ROS1: variants seen among roughly 807,000 people sequenced by gnomAD.
The protein encoded by ROS1 is proto-oncogene tyrosine-protein kinase ROS.
A neutral mutation model predicts 273.5 loss-of-function variants in ROS1; 263 were observed. The observed-to-expected ratio is 0.96, with a 90% CI of 0.87 to 1.06. The LOEUF is 1.06. Ranked by LOEUF, ROS1 falls within the 50% of genes least tolerant of loss-of-function variation. ROS1 has a pLI of 0.00. For missense variants in ROS1, 2,833 were observed against 2,751.1 expected (o/e 1.03, Z -0.67); for synonymous variants, 1,008 against 954.1 (o/e 1.06, Z -1.04).
chr6:117,322,611 G>C (rs186145123), intron 35 of ROS1, among the ~76,000 whole-genome samples: 1 of 152,262 alleles, frequency 6.6e-6, no homozygotes, highest in Non-Finnish European at 1.5e-5. Context: ...TGACTGCTCA[G>C]AAGCAAAGGC....
At chr6:117,395,168 C>A (rs1455618430) in intron 9 of ROS1, among the ~76,000 whole-genome samples, 1 of 152,036 alleles carries the variant, frequency 6.6e-6, no homozygotes, top group African/African-American at 2.4e-5. Flanking sequence ...GCCTTTAGGG[C>A]AGAAGAAAGG....
At chr6:117,394,918 T>C (rs777516469) in intron 9 of ROS1, among the ~76,000 whole-genome samples, 180 bp from the exon 10 acceptor site, 4 of 152,222 alleles carry the variant, frequency 2.6e-5, no homozygotes, top group Non-Finnish European at 5.9e-5. Flanking sequence ...ATTCTATGAT[T>C]GGAGGTAGGA....
intron 43 of ROS1, 80 bp downstream of exon 43, chr6:117,300,894 C>A: frequency 8.6e-7 from 1 of 1,166,360 alleles, no homozygotes. Context: ...CCCCAAAATG[C>A]TTTCTGTGTA....
chr6:117,360,299 C>CAG (rs58588396), intron 23 of ROS1, 43 bp downstream of exon 23: 7 of 1,455,514 alleles, frequency 4.8e-6, no homozygotes, highest in Non-Finnish European at 5.8e-6. Flanking sequence ...CACACACACA[C>CAG]GCCTCTAAAT....
At position 117,288,820 on chromosome 6, in the gene ROS1, A is replaced by C. The variant is rs1402180227; in HGVS notation, c.6716-18T>G. ...ATCTTCACCTGTGAAAAAAATATGAATGTTATTCTAGCATGTATTTAATTA... is the reference window on the plus strand; with the variant it reads ...ATCTTCACCTGTGAAAAAAATATGACTGTTATTCTAGCATGTATTTAATTA... On this transcript the variant is annotated intron_variant, in intron 43 of 43. Coordinates refer to ENST00000368507, the MANE Select transcript of ROS1 (RefSeq NM_001378902.1). The C allele has an allele frequency of 5.1e-6, 8 of 1,556,898 alleles. No homozygotes were observed. In the Admixed American group the frequency reaches 5.9e-5, roughly 11 times the overall value.
intron 43 of ROS1, among the ~76,000 whole-genome samples, chr6:117,294,678 G>A (rs1774084342): frequency 6.6e-6 from 1 of 151,986 alleles, no homozygotes; most frequent in Non-Finnish European, 1.5e-5. Flanking sequence ...TAATCTAGCT[G>A]ATAATTAAAT....
At chr6:117,381,449 A>G (rs1772139272) in intron 17 of ROS1, among the ~76,000 whole-genome samples, 1 of 151,858 alleles carries the variant, frequency 6.6e-6, no homozygotes, top group Admixed American at 6.6e-5. Context: ...GCTTTTGCAT[A>G]CCCATGGCTT....
rs370199384 is a variant in ROS1 at position 117,389,713 on chromosome 6, G to T, written c.1423C>A (p.Arg475=). ...GCAGTGTCATTGAAGTAAATGATTCGCTTGGCTTGTGGCTTGATTGCAAAG... is the reference window on the plus strand; with the variant it reads ...GCAGTGTCATTGAAGTAAATGATTCTCTTGGCTTGTGGCTTGATTGCAAAG... ...KDFAIKPQAK[R]IIYFNDTAQV... Residue 475 remains arginine (R), a synonymous_variant, in exon 13 of 44, where the codon CGA becomes AGA. Coordinates refer to ENST00000368507, the MANE Select transcript of ROS1 (RefSeq NM_001378902.1). The T allele has an allele frequency of 9.9e-6, 16 of 1,614,030 alleles. No homozygotes were observed. The highest frequency in any genetic ancestry group is 1.6e-4 in the Middle Eastern group (1 of 6,084).
intron 13 of ROS1, among the ~76,000 whole-genome samples, chr6:117,388,832 G>C (rs1046828551): frequency 3.3e-5 from 5 of 152,138 alleles, no homozygotes; most frequent in African/African-American, 1.2e-4. Flanking sequence ...CCCATTTCCA[G>C]GTGTGGAAAC....
chr6:117,295,313 C>T (rs1774145532), intron 43 of ROS1, among the ~76,000 whole-genome samples: 1 of 152,128 alleles, frequency 6.6e-6, no homozygotes, highest in Non-Finnish European at 1.5e-5. Flanking sequence ...AGACCCCTAT[C>T]TCTCTACATA....
intron 25 of ROS1, 31 bp from the exon 26 acceptor site, chr6:117,356,946 A>G (rs1779372727): frequency 6.5e-7 from 1 of 1,542,200 alleles, no homozygotes; most frequent in Non-Finnish European, 8.9e-7. Flanking sequence ...CCCCCAACTT[A>G]ATGAGTAAAA....
Position 117,402,418 on chromosome 6 carries a change from C to T in ROS1, c.604+721G>A, listed in dbSNP as rs1365085979. ...CCAGCTCACCAAGGCTCATTCTGGC[C>T]ACCTTATTTCATACTGCCACTGGCC... On this transcript the variant is annotated intron_variant, in intron 7 of 43. Transcript: ENST00000368507. Among the ~76,000 whole-genome samples, 9 of 152,168 alleles carry T rather than the reference C, an allele frequency of 5.9e-5. No homozygotes were observed. In the East Asian group the frequency reaches 1.5e-3, roughly 26 times the overall value.
At chr6:117,408,303 C>T (rs1774591353) in intron 5 of ROS1, among the ~76,000 whole-genome samples, 1 of 152,012 alleles carries the variant, frequency 6.6e-6, no homozygotes, top group Non-Finnish European at 1.5e-5. Flanking sequence ...AAAATTTTTG[C>T]AATCTACTTA....
chr6:117,423,643 C>T (rs1405170224), intron 1 of ROS1, among the ~76,000 whole-genome samples: 2 of 151,752 alleles, frequency 1.3e-5, no homozygotes, highest in Admixed American at 6.6e-5. Flanking sequence ...AACTCTGCTT[C>T]GTGCAATTTG....
chr6:117,335,255 T>C (rs1027730565), intron 32 of ROS1, among the ~76,000 whole-genome samples: 4 of 152,126 alleles, frequency 2.6e-5, no homozygotes, highest in African/African-American at 9.7e-5. Context: ...ACATCACTGA[T>C]CATCAGAGGA....
At chr6:117,362,106 T>C (rs1779849854) in intron 22 of ROS1, among the ~76,000 whole-genome samples, 1 of 152,096 alleles carries the variant, frequency 6.6e-6, no homozygotes, top group Non-Finnish European at 1.5e-5. Context: ...ATGATACAGC[T>C]TCAAAAGAAA....
At chr6:117,416,416 T>C (rs1775338026) in intron 2 of ROS1, 99 bp from the exon 3 acceptor site, 3 of 794,368 alleles carry the variant, frequency 3.8e-6, no homozygotes, top group Non-Finnish European at 2.2e-6. Flanking sequence ...CATCACTCTG[T>C]GTTTTAGAAA....
intron 40 of ROS1, among the ~76,000 whole-genome samples, chr6:117,310,774 T>C (rs1363082958): frequency 6.6e-6 from 1 of 152,142 alleles, no homozygotes; most frequent in Non-Finnish European, 1.5e-5. Flanking sequence ...ACATTTTCTT[T>C]ACCCAGTCTA....
At chr6:117,336,263 C>T (rs1582657278) in intron 32 of ROS1, among the ~76,000 whole-genome samples, 1 of 151,902 alleles carries the variant, frequency 6.6e-6, no homozygotes, top group Non-Finnish European at 1.5e-5. Flanking sequence ...CCTAGCAAAC[C>T]ATCACCTAGG....
Sources: allele counts gnomAD v4.1 joint callset (sites outside exome capture counted in the v4.1 genomes callset), GRCh38; gene constraint gnomAD v4.1.1; transcripts MANE v1.5; gene names NCBI Gene and HGNC (gene_info 2026-07-23, HGNC 2026-07-21).